NSD2: variants seen among roughly 807,000 people sequenced by gnomAD.
The protein encoded by NSD2 is nuclear receptor binding SET domain protein 2.
In NSD2, 12 loss-of-function variants were observed where a neutral mutation model predicts 139.0. That is an observed-to-expected ratio of 0.09 (90% confidence interval 0.06 to 0.14). The LOEUF (loss-of-function observed/expected upper bound fraction) is 0.14. NSD2 is among the 10% of genes least tolerant of loss of function. NSD2 has a pLI of 1.00. For missense variants in NSD2, 1,155 were observed against 1,745.0 expected (o/e 0.66, Z 6.02); for synonymous variants, 669 against 648.7 (o/e 1.03, Z -0.48).
At chr4:1,936,334 C>T (rs1722393515) in intron 7 of NSD2, among the ~76,000 whole-genome samples, 1 of 152,164 alleles carries the variant, frequency 6.6e-6, no homozygotes, top group Admixed American at 6.5e-5. Context: ...TGAACTGAGA[C>T]TTTAATTAGA....
At chr4:1,930,953 A>G (rs1721561640) in intron 6 of NSD2, among the ~76,000 whole-genome samples, 183 bp downstream of exon 6, 1 of 152,070 alleles carries the variant, frequency 6.6e-6, no homozygotes, top group South Asian at 2.1e-4. Context: ...ATCTGCGTTT[A>G]CTGGCTTATG....
chr4:1,918,201 G>C lies in NSD2; in HGVS notation c.988G>C (p.Glu330Gln). ...AQWEMGIVQA[E>Q]EAASMSVEER... The stretch of plus-strand genomic sequence containing the variant: ...GTGGGAAATGGGCATTGTTCAAGCA[G>C]AAGAAGCTGCAAGCATGTCAGTGGA... The change falls in exon 5 of 22, where the codon GAA (glutamate) becomes CAA (glutamine). Residue 330 changes from glutamate to glutamine, a missense_variant. Coordinates refer to ENST00000508803, the MANE Select transcript of NSD2 (RefSeq NM_001042424.3). The C allele has an allele frequency of 2.5e-6, 4 of 1,613,430 alleles. No individual in the cohort carries two copies. Among genetic ancestry groups the C allele is most frequent in the Non-Finnish European group, 3.4e-6 (4 of 1,179,968 alleles).
intron 3 of NSD2, among the ~76,000 whole-genome samples, chr4:1,915,641 C>G (rs367675002): frequency 1.3e-5 from 2 of 152,102 alleles, no homozygotes; most frequent in African/African-American, 4.8e-5. Flanking sequence ...TTTAAGAGCA[C>G]GACACTTAGA....
intron 16 of NSD2, 111 bp from the exon 17 acceptor site, chr4:1,959,360 G>A (rs1284445883): frequency 1.5e-6 from 2 of 1,313,986 alleles, no homozygotes; most frequent in East Asian, 4.8e-5. Flanking sequence ...GGACTCTGAA[G>A]CTTTCTAAAA....
chr4:1,939,709 C>T lies in NSD2; in HGVS notation c.1812C>T (p.Ser604=), dbSNP rs1168628580. 8.7e-6 allele frequency: 14 copies of T among 1,614,224 alleles called. No homozygotes were observed. Among genetic ancestry groups the T allele is most frequent in the Non-Finnish European group, 1.1e-5 (13 of 1,180,050 alleles). Residue 604 remains serine (S), a synonymous_variant, in exon 9 of 22, where the codon TCC becomes TCT. Transcript: ENST00000508803. ...CACTGAAGAAGCGAAATCGGGCTTC[C>T]ACGGCAGCATCTTCAGCTCTTGGGT... ...CKPLKKRNRA[S]TAASSALGFS... is the part of the protein sequence containing the mutation.
intron 17 of NSD2, 71 bp downstream of exon 17, chr4:1,959,811 T>C: frequency 1.3e-6 from 2 of 1,572,404 alleles, no homozygotes; most frequent in Non-Finnish European, 8.7e-7. Context: ...CTAGGTTTGC[T>C]TGTGGTGGTT....
At position 1,976,416 on chromosome 4, in the gene NSD2, C is replaced by T; in HGVS notation, c.3622-59C>T. The T allele has an allele frequency of 6.4e-7, 1 of 1,564,202 alleles. No individual in the cohort carries two copies. Among genetic ancestry groups the T allele is most frequent in the Non-Finnish European group, 8.7e-7 (1 of 1,149,994 alleles). On this transcript the variant is annotated intron_variant, in intron 20 of 21. Transcript: ENST00000508803. The surrounding 1 kb of genome is among the most constrained non-coding windows in gnomAD (Gnocchi z 5.3). ...CTGGAGTGTAGCTCGCTCTTCTGCCCTATTTGCTTCAGCCTGTGTAATTCT... is the reference window on the plus strand; with the variant it reads ...CTGGAGTGTAGCTCGCTCTTCTGCCTTATTTGCTTCAGCCTGTGTAATTCT...
chr4:1,911,596 A>AAAAAAAAAAAAG (rs1416156846), intron 3 of NSD2, among the ~76,000 whole-genome samples: 1 of 142,124 alleles, frequency 7.0e-6, no homozygotes, highest in African/African-American at 2.5e-5. Context: ...TCAAAAAAAA[A>AAAAAAAAAAAAG]AAAAAAAAAA....
intron 15 of NSD2, among the ~76,000 whole-genome samples, 191 bp from the exon 16 acceptor site, chr4:1,957,742 C>A (rs1724976572): frequency 6.6e-6 from 1 of 152,112 alleles, no homozygotes; most frequent in South Asian, 2.1e-4. Flanking sequence ...TCTGAGCACT[C>A]CTTTGCCTCA....
At chr4:1,874,090 G>T (rs1289209280) in intron 1 of NSD2, among the ~76,000 whole-genome samples, 2 of 152,224 alleles carry the variant, frequency 1.3e-5, no homozygotes, top group African/African-American at 2.4e-5. Context: ...TAATTAATCA[G>T]CAGCAACAGA....
intron 3 of NSD2, among the ~76,000 whole-genome samples, chr4:1,913,334 T>C (rs1718931213): frequency 6.6e-6 from 1 of 152,162 alleles, no homozygotes; most frequent in Non-Finnish European, 1.5e-5. Flanking sequence ...AAAGGGAGTC[T>C]CCCTTTCCGT....
At chr4:1,901,314 GA>G in intron 2 of NSD2, 63 bp downstream of exon 2, 6 of 1,386,592 alleles carry the variant, frequency 4.3e-6, no homozygotes, top group Non-Finnish European at 5.9e-6. Flanking sequence ...GCCACCCTAT[GA>G]GGGCACCTGC....
chr4:1,941,068 T>C, intron 9 of NSD2: 1 of 1,056,350 alleles, frequency 9.5e-7, no homozygotes, highest in Non-Finnish European at 1.1e-6. Flanking sequence ...GCAGTAAGAA[T>C]TATTTACTGA....
chr4:1,979,564 G>C lies in NSD2; in HGVS notation c.*655G>C, dbSNP rs574326272. 2 of 232,814 alleles carry C rather than the reference G, an allele frequency of 8.6e-6. No individual in the cohort carries two copies. The highest frequency in any genetic ancestry group is 1.1e-4 in the Admixed American group (2 of 17,772). 14.4% of individuals were successfully genotyped at this position (232,814 alleles called of 1,614,324 possible). On this transcript the variant is annotated 3_prime_UTR_variant, in exon 22 of 22. Coordinates refer to ENST00000508803, the MANE Select transcript of NSD2 (RefSeq NM_001042424.3). ...TCCTCCCGTAGTTTTTTCTCCTCAT[G>C]GATTTGAATGAAATGCCAATAACAC... is the stretch of plus-strand genomic sequence containing the variant.
At chr4:1,929,748 G>T (rs1721411561) in intron 5 of NSD2, among the ~76,000 whole-genome samples, 1 of 152,192 alleles carries the variant, frequency 6.6e-6, no homozygotes, top group Non-Finnish European at 1.5e-5. Flanking sequence ...GCTGGCATTA[G>T]TGTGTCAGCC....
chr4:1,882,245 A>G (rs1714756110), intron 1 of NSD2, among the ~76,000 whole-genome samples: 1 of 152,132 alleles, frequency 6.6e-6, no homozygotes, highest in Non-Finnish European at 1.5e-5. Context: ...GTGGCCTGTG[A>G]TTTGCTCTGG....
intron 1 of NSD2, among the ~76,000 whole-genome samples, chr4:1,878,902 C>A (rs141397822): frequency 2.6e-5 from 4 of 152,088 alleles, no homozygotes; most frequent in Non-Finnish European, 5.9e-5. Flanking sequence ...TGGGCCATAG[C>A]GTGAGAGTGG....
At chr4:1,900,184 A>C (rs1336943209) in intron 1 of NSD2, among the ~76,000 whole-genome samples, 4 of 152,082 alleles carry the variant, frequency 2.6e-5, no homozygotes, top group African/African-American at 9.7e-5. Flanking sequence ...GTTAGTGTTG[A>C]TTTTGCTTTT....
chr4:1,957,851 A>G (rs1461465329), intron 15 of NSD2, 82 bp from the exon 16 acceptor site: 1 of 1,285,298 alleles, frequency 7.8e-7, no homozygotes, highest in Non-Finnish European at 1.1e-6. Flanking sequence ...GAAAGTTTAG[A>G]GTGAACTATA....
Sources: allele counts gnomAD v4.1 joint callset (sites outside exome capture counted in the v4.1 genomes callset), GRCh38; gene constraint gnomAD v4.1.1; non-coding constraint Gnocchi (gnomAD v3.1); transcripts MANE v1.5; gene names NCBI Gene and HGNC (gene_info 2026-07-23, HGNC 2026-07-21).